The following ACOXL variants were observed in gnomAD, a reference collection of about 807,000 sequenced individuals.
The protein encoded by ACOXL is acyl-coenzyme A oxidase-like protein.
ACOXL carries 70 observed loss-of-function variants against 71.9 expected under a neutral mutation model. That is an observed-to-expected ratio of 0.97 (90% CI 0.80 to 1.19). The LOEUF is 1.19. ACOXL is among the 50% of genes most tolerant of loss of function. The pLI, the probability that ACOXL is intolerant of heterozygous loss-of-function variation, is 0.00. For missense variants in ACOXL, 703 were observed against 736.3 expected, an observed-to-expected ratio of 0.95 and a Z score of 0.52; for synonymous variants, 253 against 281.6, an observed-to-expected ratio of 0.90 and a Z score of 1.02.
rs999676035 is a variant in ACOXL at position 110,795,080 on chromosome 2, T to C, written c.345+906T>C. ...TTGAGGTACTTTCTAGAAATGAAGC[T>C]ATGTCAGTCAGTGTGTGCAAGCACG... On this transcript the variant is annotated intron_variant, in intron 5 of 17. Transcript: ENST00000439055. Among the ~76,000 whole-genome samples the C allele has an allele frequency of 5.6e-4, 86 of 152,358 alleles. 1 individual carries two copies. The highest frequency in any genetic ancestry group is 2.0e-3 in the African/African-American group (85 of 41,588).
intron 15 of ACOXL, among the ~76,000 whole-genome samples, chr2:111,046,818 G>A (rs528574258): frequency 6.6e-6 from 1 of 152,274 alleles, no homozygotes; most frequent in East Asian, 1.9e-4. Context: ...GGCCCAAGAT[G>A]GAACCCTGCA....
chr2:111,088,401 C>T (rs1435613275), intron 16 of ACOXL, among the ~76,000 whole-genome samples: 1 of 152,100 alleles, frequency 6.6e-6, no homozygotes, highest in Non-Finnish European at 1.5e-5. Context: ...CCTAAATGCC[C>T]ATTAATGGTA....
intron 10 of ACOXL, among the ~76,000 whole-genome samples, chr2:110,863,452 A>C (rs1228907582): frequency 6.6e-6 from 1 of 152,250 alleles, no homozygotes; most frequent in Admixed American, 6.5e-5. Flanking sequence ...TGATGATGAA[A>C]ATATCTATGA....
chr2:110,802,222 C>A (rs573180624), intron 8 of ACOXL, among the ~76,000 whole-genome samples: 1 of 152,128 alleles, frequency 6.6e-6, no homozygotes. Context: ...TCCTTCCCCC[C>A]CCTGCCATTA....
chr2:110,761,207 A>G (rs897154612), intron 1 of ACOXL, among the ~76,000 whole-genome samples: 7 of 152,014 alleles, frequency 4.6e-5, no homozygotes, highest in Admixed American at 4.6e-4. Context: ...CTGTTTTCTG[A>G]TTACTTTTTT....
At chr2:110,921,456 C>A (rs568198658) in intron 11 of ACOXL, among the ~76,000 whole-genome samples, 4 of 136,974 alleles carry the variant, frequency 2.9e-5, no homozygotes, top group African/African-American at 1.1e-4. Context: ...GCAGTGGCGC[C>A]ATCTCAGCTC....
intron 16 of ACOXL, among the ~76,000 whole-genome samples, chr2:111,056,006 T>C (rs1042270711): frequency 6.6e-6 from 1 of 152,196 alleles, no homozygotes; most frequent in African/African-American, 2.4e-5. Flanking sequence ...ACTGAGTCCC[T>C]ATTGTGTGTC....
At chr2:110,797,085 A>G (rs1685375427) in intron 5 of ACOXL, among the ~76,000 whole-genome samples, 1 of 152,220 alleles carries the variant, frequency 6.6e-6, no homozygotes. Context: ...CACCAGGGCC[A>G]GTTCCTTTTT....
intron 14 of ACOXL, among the ~76,000 whole-genome samples, 176 bp downstream of exon 14, chr2:110,996,180 G>A (rs1211844378): frequency 6.6e-6 from 1 of 152,188 alleles, no homozygotes; most frequent in Non-Finnish European, 1.5e-5. Flanking sequence ...CTAGAGGCCA[G>A]GATGCTTCTG....
intron 12 of ACOXL, among the ~76,000 whole-genome samples, chr2:110,944,244 G>A (rs562068624): frequency 6.6e-5 from 10 of 151,960 alleles, no homozygotes; most frequent in African/African-American, 1.9e-4. Flanking sequence ...TAGTAGAGAC[G>A]GGTTTCACTA....
intron 16 of ACOXL, among the ~76,000 whole-genome samples, chr2:111,090,947 A>G (rs1028338329): frequency 6.6e-6 from 1 of 152,180 alleles, no homozygotes; most frequent in Non-Finnish European, 1.5e-5. Flanking sequence ...GATAACAGCT[A>G]GAGCAGTGGT....
chr2:110,922,284 A>G (rs1386027721), intron 11 of ACOXL, among the ~76,000 whole-genome samples: 1 of 152,260 alleles, frequency 6.6e-6, no homozygotes, highest in East Asian at 1.9e-4. Flanking sequence ...TCACAAATAG[A>G]AAACAGGCAA....
At chr2:110,978,394 C>G (rs575975420) in intron 12 of ACOXL, among the ~76,000 whole-genome samples, 1 of 152,198 alleles carries the variant, frequency 6.6e-6, no homozygotes, top group African/African-American at 2.4e-5. Flanking sequence ...AATACTATTA[C>G]GTTGGCAACA....
intron 12 of ACOXL, among the ~76,000 whole-genome samples, chr2:110,952,295 C>T (rs1255901281): frequency 6.6e-6 from 1 of 152,006 alleles, no homozygotes; most frequent in Admixed American, 6.6e-5. Flanking sequence ...TCTTTTTAGC[C>T]CCTGTTGTAT....
intron 14 of ACOXL, among the ~76,000 whole-genome samples, chr2:111,000,441 T>TTTGAAGATCCC (rs2063572300): frequency 6.6e-6 from 1 of 152,226 alleles, no homozygotes; most frequent in African/African-American, 2.4e-5. Flanking sequence ...TTAATATGGT[T>TTTGAAGATCCC]TTGAAGATCC....
chr2:111,092,082 A>G (rs10207392), intron 16 of ACOXL, among the ~76,000 whole-genome samples: 72,877 of 152,002 alleles, frequency 0.48, 17,598 homozygotes, highest in African/African-American at 0.54. Flanking sequence ...ACAGTGAGAT[A>G]TTTGTGGGTG....
At chr2:110,809,668 G>A (rs1191775195) in intron 9 of ACOXL, among the ~76,000 whole-genome samples, 1 of 152,220 alleles carries the variant, frequency 6.6e-6, no homozygotes, top group African/African-American at 2.4e-5. Flanking sequence ...CCCTGCTGTT[G>A]ATGGGGGTTT....
At chr2:111,096,652 C>T in intron 17 of ACOXL, among the ~76,000 whole-genome samples, 1 of 152,126 alleles carries the variant, frequency 6.6e-6, no homozygotes, top group East Asian at 1.9e-4. Flanking sequence ...AATTCCGATA[C>T]CTTAAAATCT....
Position 110,890,262 on chromosome 2 carries a change from T to C in ACOXL, c.789-18527T>C, listed in dbSNP as rs189900625. ...CTTCTCCCATTCTGTAGATTGTCTT[T>C]TCACTTTCTTGATGATTTTCTTTAA... On this transcript the variant is annotated intron_variant, in intron 10 of 17. Coordinates refer to ENST00000439055, the MANE Select transcript of ACOXL (RefSeq NM_001142807.4). Among the ~76,000 whole-genome samples, 6 of 151,834 alleles carry C rather than the reference T, an allele frequency of 4.0e-5. No individual in the cohort carries two copies. The East Asian group carries it at 1.2e-3, about 29-fold the overall frequency.
Sources: allele counts gnomAD v4.1 joint callset (sites outside exome capture counted in the v4.1 genomes callset), GRCh38; gene constraint gnomAD v4.1.1; transcripts MANE v1.5; gene names NCBI Gene and HGNC (gene_info 2026-07-23, HGNC 2026-07-21).